Variants in RNF213 observed in about 807,000 individuals in gnomAD.
RNF213 encodes ring finger protein 213, also known as E3 ubiquitin-protein ligase RNF213.
RNF213 carries 341 observed loss-of-function variants against 514.4 expected under a neutral mutation model. That is an observed-to-expected ratio of 0.66 (90% confidence interval 0.61 to 0.73). RNF213 has a LOEUF of 0.73. Ranked by LOEUF, RNF213 falls within the 30% of genes least tolerant of loss-of-function variation. RNF213 has a pLI of 0.00. For missense variants in RNF213, 5,767 were observed against 6,615.6 expected, an observed-to-expected ratio of 0.87 and a Z score of 4.45; for synonymous variants, 2,655 against 2,658.2, an observed-to-expected ratio of 1.00 and a Z score of 0.04.
Position 80,339,438 on chromosome 17 carries a change from G to T in RNF213, c.5071G>T (p.Val1691Leu), listed in dbSNP as rs1459594922. 6.5e-7 allele frequency: 1 copy of T among 1,537,150 alleles called. No individual in the cohort carries two copies. Among genetic ancestry groups the T allele is most frequent in the African/African-American group, 1.4e-5 (1 of 73,042 alleles). The change falls in exon 26 of 68, where the codon GTG becomes TTG. Residue 1691 changes from valine to leucine, a missense_variant. By Grantham distance (32) the Val-to-Leu change is conservative. Coordinates refer to ENST00000582970, the MANE Select transcript of RNF213 (RefSeq NM_001256071.3). ...CTTCCTTGACAGCTGGAAGAGATTT[G>T]TGACCCAGAAGCGAATGGAGCACTT... ...EHFLDSWKRF[V>L]TQKRMEHFYL...
intron 3 of RNF213, among the ~76,000 whole-genome samples, chr17:80,279,429 T>C (rs571251118): frequency 1.3e-5 from 2 of 152,268 alleles, no homozygotes; most frequent in South Asian, 4.1e-4. Context: ...TTTTTGGAAG[T>C]TGAAATCCTG....
Position 80,380,945 on chromosome 17 carries a change from C to A in RNF213, c.13755C>A (p.Leu4585=). Residue 4585 remains leucine, a synonymous_variant, in exon 56 of 68, where the codon CTC becomes CTA. Transcript: ENST00000582970. ...PPVVFLLIRL[L]THLALLLGAS... The stretch of plus-strand genomic sequence containing the variant: ...TGGTCTTCCTCCTTATCCGGCTACT[C>A]ACTCACTTGGCTCTGCTTCTGGGAG... 1 of 1,614,210 alleles carries A rather than the reference C, an allele frequency of 6.2e-7. No individual in the cohort carries two copies. The highest frequency in any genetic ancestry group is 8.5e-7 in the Non-Finnish European group (1 of 1,180,040).
intron 39 of RNF213, among the ~76,000 whole-genome samples, chr17:80,362,755 G>A (rs528935137): frequency 1.2e-4 from 18 of 152,260 alleles, no homozygotes; most frequent in African/African-American, 2.6e-4. Context: ...GCTTTGCTTC[G>A]AAAAATAAGA....
In RNF213 at chr17:80,396,744, C is replaced by CCCG. The variant is rs1599237332; in HGVS notation, c.*3248_*3249insGCC. 9.9e-6 allele frequency: 1 copy of CCCG among 101,182 alleles called. No homozygotes were observed. The highest frequency in any genetic ancestry group is 2.3e-5 in the Non-Finnish European group (1 of 43,694). The allele number at this position is 101,182 out of a possible 1,614,324, so 6.3% of individuals were successfully genotyped here. ...GTGCATTTCCCCCCCACCCCCCCCC[C>CCCG]CCAACCAGAGCAACTTTGGTCAGAA... On this transcript the variant is annotated 3_prime_UTR_variant, in exon 68 of 68. Coordinates refer to ENST00000582970, the MANE Select transcript of RNF213 (RefSeq NM_001256071.3).
At chr17:80,273,554 C>A in intron 3 of RNF213, 150 bp downstream of exon 3, 1 of 968,230 alleles carries the variant, frequency 1.0e-6, no homozygotes, top group Non-Finnish European at 1.6e-6. Context: ...GCCCCTTCTG[C>A]ACCTGATTCA....
intron 44 of RNF213, among the ~76,000 whole-genome samples, chr17:80,368,819 T>A (rs2079388667): frequency 6.6e-6 from 1 of 152,150 alleles, no homozygotes; most frequent in Non-Finnish European, 1.5e-5. Context: ...TTGGAGCTGG[T>A]TAAAAGCAGC....
chr17:80,290,392 TGTAC>T (rs2044657707), intron 6 of RNF213, among the ~76,000 whole-genome samples, 174 bp from the exon 7 acceptor site: 2 of 150,822 alleles, frequency 1.3e-5, no homozygotes, highest in African/African-American at 2.5e-5. Flanking sequence ...CGTGTGTGCG[TGTAC>T]GTGTGCTTGT....
intron 17 of RNF213, among the ~76,000 whole-genome samples, chr17:80,324,122 T>TACA (rs902068134): frequency 6.6e-6 from 1 of 152,234 alleles, no homozygotes; most frequent in Non-Finnish European, 1.5e-5. Flanking sequence ...GAACCTCCAG[T>TACA]ACAATGTTGA....
At chr17:80,378,142 A>G (rs1319088366) in intron 54 of RNF213, among the ~76,000 whole-genome samples, 1 of 152,228 alleles carries the variant, frequency 6.6e-6, no homozygotes, top group East Asian at 1.9e-4. Flanking sequence ...CCCCTAGGAA[A>G]GAAAATTGCT....
At chr17:80,389,961 T>C (rs1339083792) in intron 66 of RNF213, 44 bp downstream of exon 66, 1 of 1,612,868 alleles carries the variant, frequency 6.2e-7, no homozygotes, top group Non-Finnish European at 8.5e-7. Context: ...GGGACTGCGC[T>C]CCCTTCTCCC....
At chr17:80,276,003 G>A (rs189448282) in intron 3 of RNF213, among the ~76,000 whole-genome samples, 14 of 151,064 alleles carry the variant, frequency 9.3e-5, no homozygotes, top group Non-Finnish European at 1.9e-4. Context: ...TTTGGCTGTA[G>A]GTGTTTAAGG....
intron 3 of RNF213, among the ~76,000 whole-genome samples, chr17:80,281,492 A>ATCCCACT (rs1491239308): frequency 5.0e-5 from 3 of 59,558 alleles, no homozygotes; most frequent in Non-Finnish European, 7.7e-5. Context: ...CAACATACAT[A>ATCCCACT]CACCCCACTC....
At chr17:80,389,958 C>G (rs370995636) in intron 66 of RNF213, 41 bp downstream of exon 66, 4 of 1,612,080 alleles carry the variant, frequency 2.5e-6, no homozygotes, top group East Asian at 4.5e-5. Flanking sequence ...AGAGGGACTG[C>G]GCTCCCTTCT....
At position 80,339,419 on chromosome 17, in the gene RNF213, T is replaced by C; in HGVS notation, c.5052T>C (p.Leu1684=). 2.6e-6 allele frequency: 4 copies of C among 1,537,252 alleles called. No homozygotes were observed. Among genetic ancestry groups the C allele is most frequent in the Non-Finnish European group, 2.6e-6 (3 of 1,146,910 alleles). ...AALCRQMEHF[L]DSWKRFVTQK... ...TCTGCAGGCAGATGGAGCACTTCCT[T>C]GACAGCTGGAAGAGATTTGTGACCC... The change falls in exon 26 of 68, where the codon CTT becomes CTC. Residue 1684 remains leucine (L), a synonymous_variant. Transcript: ENST00000582970.
intron 36 of RNF213, chr17:80,355,370 G>GGGCTC (rs1255841443): frequency 5.2e-6 from 2 of 388,088 alleles, no homozygotes; most frequent in African/African-American, 4.4e-5. Context: ...ACGGGAATGG[G>GGGCTC]AGCTTACAGG....
chr17:80,314,285 G>A (rs1276715117), intron 15 of RNF213, among the ~76,000 whole-genome samples: 3 of 100,770 alleles, frequency 3.0e-5, no homozygotes, highest in Admixed American at 9.6e-5. Context: ...TGGAGGTACT[G>A]GAGGTGATGG....
In RNF213 at chr17:80,353,593, T is replaced by C. The variant is rs1051022439; in HGVS notation, c.10505T>C (p.Val3502Ala). 2 of 1,613,558 alleles carry C rather than the reference T, an allele frequency of 1.2e-6. No homozygotes were observed. The highest frequency in any genetic ancestry group is 1.7e-6 in the Non-Finnish European group (2 of 1,179,762). The change falls in exon 34 of 68, where the codon GTG becomes GCG. Residue 3502 changes from valine (V) to alanine (A), a missense_variant. Around this residue, in one of 13 missense-constraint regions of RNF213, gnomAD observed 919 missense variants for 1,121.0 expected, o/e 0.82. Coordinates refer to ENST00000582970, the MANE Select transcript of RNF213 (RefSeq NM_001256071.3). This position sits in a 1 kb window ranked among gnomAD's most constrained non-coding sequence, Gnocchi z 5.0. Reference sequence around the variant, plus strand: ...AGCACATCAGGGGAGGTGGCAGAGGTGGCAGAGGAGGCCATGGAAACAGAA... The same window carrying C: ...AGCACATCAGGGGAGGTGGCAGAGGCGGCAGAGGAGGCCATGGAAACAGAA... ...EASTSGEVAE[V>A]AEEAMETESS...
Position 80,363,394 on chromosome 17 carries a change from T to TG in RNF213, c.11568+81dup, listed in dbSNP as rs2079127597. The TG allele has an allele frequency of 4.8e-6, 7 of 1,453,846 alleles. No individual in the cohort carries two copies. The South Asian group carries it at 8.0e-5, about 17-fold the overall frequency. The allele number at this position is 1,453,846 out of a possible 1,614,324, so 90.1% of individuals were successfully genotyped here. ...TCTGGGAATGGAGAGCTTCTGGGGC[T>TG]GTGTTCCAAGTGGGAGATTTCTTCA... On this transcript the variant is annotated intron_variant, in intron 40 of 67. Coordinates refer to ENST00000582970, the MANE Select transcript of RNF213 (RefSeq NM_001256071.3).
At position 80,377,813 on chromosome 17, in the gene RNF213, A is replaced by G. The variant is rs908906338; in HGVS notation, c.13545+17A>G. The G allele has an allele frequency of 6.2e-7, 1 of 1,614,030 alleles. No individual in the cohort carries two copies. The highest frequency in any genetic ancestry group is 8.5e-7 in the Non-Finnish European group (1 of 1,179,948). On this transcript the variant is annotated intron_variant, in intron 54 of 67. Transcript: ENST00000582970. This position sits in a 1 kb window ranked among gnomAD's most constrained non-coding sequence, Gnocchi z 4.1. The stretch of plus-strand genomic sequence containing the variant: ...GTGGGAGAGGTGAGTCTTGGTATTT[A>G]AGATAGGGTTTGAGGGGTGGCGTGC...
Sources: allele counts gnomAD v4.1 joint callset (sites outside exome capture counted in the v4.1 genomes callset), GRCh38; gene constraint gnomAD v4.1.1; regional missense constraint gnomAD v4.1.1; non-coding constraint Gnocchi (gnomAD v3.1); transcripts MANE v1.5; gene names NCBI Gene and HGNC (gene_info 2026-07-23, HGNC 2026-07-21).